CAMK2B: variants seen among roughly 807,000 people sequenced by gnomAD.
CAMK2B encodes calcium/calmodulin-dependent protein kinase type II subunit beta.
CAMK2B carries 27 observed loss-of-function variants against 93.7 expected under a neutral mutation model. The ratio of observed to expected loss-of-function variants is 0.29; its 90% CI spans 0.21 to 0.40. The LOEUF (loss-of-function observed/expected upper bound fraction) is 0.40, where lower values mean the gene tolerates loss of function less well. CAMK2B is among the 10% of genes least tolerant of loss of function. The probability of loss-of-function intolerance (pLI) is 1.00; values close to 1 mark genes in which losing one functional copy is unlikely to be tolerated. For missense variants in CAMK2B, 568 were observed against 895.8 expected (o/e 0.63, Z 4.67); for synonymous variants, 374 against 358.8 (o/e 1.04, Z -0.48).
chr7:44,287,237 A>G (rs570470656), intron 1 of CAMK2B, among the ~76,000 whole-genome samples: 1 of 145,660 alleles, frequency 6.9e-6, no homozygotes, highest in South Asian at 2.1e-4. Context: ...CTGAGTCCCA[A>G]TGTCATCGCC....
chr7:44,300,018 GTC>G (rs1563067708), intron 1 of CAMK2B, among the ~76,000 whole-genome samples: 7 of 101,038 alleles, frequency 6.9e-5, no homozygotes, highest in East Asian at 2.7e-4. Context: ...ATGTGTATGT[GTC>G]TGTGTGTGTG....
At chr7:44,253,174 A>G (rs1405945118) in intron 5 of CAMK2B, among the ~76,000 whole-genome samples, 1 of 152,230 alleles carries the variant, frequency 6.6e-6, no homozygotes, top group African/African-American at 2.4e-5. Flanking sequence ...TGGATCAGAA[A>G]AGTAATACAT....
intron 1 of CAMK2B, among the ~76,000 whole-genome samples, chr7:44,289,378 G>A (rs956520647): frequency 3.9e-5 from 6 of 152,182 alleles, no homozygotes; most frequent in African/African-American, 1.2e-4. Flanking sequence ...AGGAAATTTC[G>A]CCTTGCCCCC....
rs1785217507 is a variant in CAMK2B at position 44,286,678 on chromosome 7, G to A, written c.66-2453C>T. ...GATCCCTCTCCCCTCCCTGGGTCAG[G>A]CAGCCCCTTTCTCCTCTGCAGAAGG... On this transcript the variant is annotated intron_variant, in intron 1 of 23. Coordinates refer to ENST00000395749, the MANE Select transcript of CAMK2B (RefSeq NM_001220.5). The surrounding 1 kb of genome is among the most constrained non-coding windows in gnomAD (Gnocchi z 4.0). Among the ~76,000 whole-genome samples the A allele has an allele frequency of 6.6e-6, 1 of 152,228 alleles. No homozygotes were observed. Among genetic ancestry groups the A allele is most frequent in the Non-Finnish European group, 1.5e-5 (1 of 68,036 alleles).
intron 18 of CAMK2B, 50 bp from the exon 19 acceptor site, chr7:44,228,974 G>A: frequency 6.3e-7 from 1 of 1,596,718 alleles, no homozygotes; most frequent in Non-Finnish European, 8.6e-7. Context: ...GACACACGAG[G>A]CGGCGGCAAG....
At chr7:44,259,803 C>G (rs529272611) in intron 3 of CAMK2B, among the ~76,000 whole-genome samples, 1 of 152,184 alleles carries the variant, frequency 6.6e-6, no homozygotes, top group Non-Finnish European at 1.5e-5. Flanking sequence ...CACTCTCCCA[C>G]GTGCCGGTTC....
rs2096451554 is a variant in CAMK2B at position 44,224,482 on chromosome 7, T to G, written c.1597+2034A>C. Among the ~76,000 whole-genome samples, 1 of 151,864 alleles carries G rather than the reference T, an allele frequency of 6.6e-6. No individual in the cohort carries two copies. Among genetic ancestry groups the G allele is most frequent in the South Asian group, 2.1e-4 (1 of 4,790 alleles). On this transcript the variant is annotated intron_variant, in intron 20 of 23. Coordinates refer to ENST00000395749, the MANE Select transcript of CAMK2B (RefSeq NM_001220.5). This position sits in a 1 kb window ranked among gnomAD's most constrained non-coding sequence, Gnocchi z 4.4. ...TGGGCAGGGCCTGGGCTTGGAGGGGTCTGCACGAGCCAAGAGCCTCTGCAA... is the reference window on the plus strand; with the variant it reads ...TGGGCAGGGCCTGGGCTTGGAGGGGGCTGCACGAGCCAAGAGCCTCTGCAA...
At chr7:44,239,055 G>A (rs1480043026) in intron 13 of CAMK2B, among the ~76,000 whole-genome samples, 2 of 152,192 alleles carry the variant, frequency 1.3e-5, no homozygotes, top group Non-Finnish European at 2.9e-5. Flanking sequence ...GTCTCCTCAG[G>A]GTGCATAAAA....
chr7:44,269,480 C>T (rs536139177), intron 2 of CAMK2B, among the ~76,000 whole-genome samples: 128 of 152,340 alleles, frequency 8.4e-4, no homozygotes, highest in Non-Finnish European at 1.5e-3. Flanking sequence ...TCTCTGCCCA[C>T]CCAGGCCCCC....
At chr7:44,299,138 C>A (rs541243762) in intron 1 of CAMK2B, among the ~76,000 whole-genome samples, 1 of 152,160 alleles carries the variant, frequency 6.6e-6, no homozygotes, top group African/African-American at 2.4e-5. Flanking sequence ...GTAGAAGCAA[C>A]TCAAATGGCC....
intron 17 of CAMK2B, 97 bp from the exon 18 acceptor site, chr7:44,229,598 G>A (rs1250991210): frequency 4.3e-6 from 2 of 462,656 alleles, no homozygotes; most frequent in East Asian, 8.4e-5. Context: ...GGGAGGGAGG[G>A]GGTGACAGCT....
intron 1 of CAMK2B, among the ~76,000 whole-genome samples, chr7:44,296,891 C>T (rs1446063117): frequency 1.3e-5 from 2 of 151,974 alleles, no homozygotes; most frequent in African/African-American, 4.8e-5. Context: ...CACCAGCATA[C>T]CTGCCTTATA....
chr7:44,284,258 G>A (rs751579154), intron 1 of CAMK2B, 33 bp from the exon 2 acceptor site: 1 of 1,399,570 alleles, frequency 7.1e-7, no homozygotes, highest in Non-Finnish European at 1.0e-6. Context: ...GAGAGACAGA[G>A]ACAGAGACAG....
chr7:44,288,950 T>C (rs992640032), intron 1 of CAMK2B, among the ~76,000 whole-genome samples: 28 of 152,170 alleles, frequency 1.8e-4, no homozygotes, highest in Non-Finnish European at 3.5e-4. Context: ...ACAGGCATCC[T>C]GTGGGCTCTC....
rs1228819359 is a variant in CAMK2B, at chr7:44,284,228, GGGGA to G, written c.66-7_66-4del. ...GTCGGACCACAGAGAAAGCCCCCCT[GGGGA>G]GGAAAATGGGGGAGCGAGAGACAGA... On this transcript the variant is annotated splice_region_variant and splice_polypyrimidine_tract_variant and intron_variant, in intron 1 of 23. Coordinates refer to ENST00000395749, the MANE Select transcript of CAMK2B (RefSeq NM_001220.5). 2 of 1,608,866 alleles carry G rather than the reference GGGGA, an allele frequency of 1.2e-6. No individual in the cohort carries two copies. Among genetic ancestry groups the G allele is most frequent in the Non-Finnish European group, 8.5e-7 (1 of 1,176,398 alleles).
chr7:44,269,142 G>T (rs1376401130), intron 2 of CAMK2B, among the ~76,000 whole-genome samples: 4 of 152,240 alleles, frequency 2.6e-5, no homozygotes, highest in Admixed American at 2.6e-4. Context: ...TCTGCAGGGT[G>T]AGGCACAGGG....
At position 44,232,805 on chromosome 7, in the gene CAMK2B, G is replaced by C; in HGVS notation, c.1176+17C>G. The C allele has an allele frequency of 6.2e-7, 1 of 1,613,472 alleles. No individual in the cohort carries two copies. Among genetic ancestry groups the C allele is most frequent in the Middle Eastern group, 1.7e-4 (1 of 6,040 alleles). ...CTCCTGCCTGGGGAAAGCGGGAGGA[G>C]GAAAGTGGGGCAGTACCTTAATCCC... On this transcript the variant is annotated intron_variant, in intron 16 of 23. Transcript: ENST00000395749.
rs554698667 is a variant in CAMK2B, at chr7:44,246,973, T to G, written c.414+147A>C. The G allele has an allele frequency of 1.1e-3, 735 of 658,938 alleles. 5 individuals carry two copies. In the African/African-American group the frequency reaches 0.012, roughly 11 times the overall value. 40.8% of individuals were successfully genotyped at this position (658,938 alleles called of 1,614,324 possible). A position where few individuals can be genotyped will look rare whatever the true frequency, so the allele number is the denominator to read the frequency against. On this transcript the variant is annotated intron_variant, in intron 6 of 23. Transcript: ENST00000395749. ...GCACATGCATGCACACACTCCTCCATGCATGCACACAAGGACACACACACA... is the reference window on the plus strand; with the variant it reads ...GCACATGCATGCACACACTCCTCCAGGCATGCACACAAGGACACACACACA...
chr7:44,270,151 C>T (rs1669615168), intron 2 of CAMK2B, among the ~76,000 whole-genome samples: 1 of 151,804 alleles, frequency 6.6e-6, no homozygotes, highest in Admixed American at 6.6e-5. Flanking sequence ...TCACTGGGGG[C>T]CCCCCACTAG....
Sources: gnomAD v4.1 joint callset for allele counts (sites outside exome capture counted in the v4.1 genomes callset) on GRCh38, gnomAD v4.1.1 for gene constraint, Gnocchi (gnomAD v3.1) non-coding constraint, MANE v1.5 for transcripts, NCBI Gene and HGNC (gene_info 2026-07-23, HGNC 2026-07-21) for gene names.